GFOD1: variants seen among roughly 807,000 people sequenced by gnomAD.
GFOD1 encodes the protein glucose-fructose oxidoreductase domain-containing protein 1.
Under a neutral mutation model 25.4 loss-of-function variants are expected in GFOD1, and 9 were observed. The observed-to-expected ratio is 0.35, with a 90% CI of 0.21 to 0.62. The LOEUF is 0.62. Among genes scored for constraint, GFOD1 ranks in the 20% least tolerant of loss-of-function variants. The pLI is 0.72. For missense variants in GFOD1, 403 were observed against 556.9 expected (o/e 0.72, Z 2.78); for synonymous variants, 253 against 245.6 (o/e 1.03, Z -0.28).
rs957249751 is a variant in GFOD1, at chr6:13,430,567, C to G, written c.253+56071G>C. Among the ~76,000 whole-genome samples the G allele has an allele frequency of 4.6e-5, 7 of 152,284 alleles. No homozygotes were observed. The East Asian group carries it at 1.3e-3, about 29-fold the overall frequency. On this transcript the variant is annotated intron_variant, in intron 1 of 1. Coordinates refer to ENST00000379287, the MANE Select transcript of GFOD1 (RefSeq NM_018988.4). This position sits in a 1 kb window ranked among gnomAD's most constrained non-coding sequence, Gnocchi z 4.1. Reference sequence around the variant, plus strand: ...GTGCAGGGATTGGCCACAGTGTTATCCATATTCTCAACACTCCTATTATGG... The same window carrying G: ...GTGCAGGGATTGGCCACAGTGTTATGCATATTCTCAACACTCCTATTATGG...
At chr6:13,434,215 C>T (rs1401879632) in intron 1 of GFOD1, among the ~76,000 whole-genome samples, 1 of 128,654 alleles carries the variant, frequency 7.8e-6, no homozygotes, top group African/African-American at 2.6e-5. Flanking sequence ...TATGAGAACA[C>T]AAATCAAGTG....
At chr6:13,396,558 G>A (rs576330450) in intron 1 of GFOD1, among the ~76,000 whole-genome samples, 14 of 152,292 alleles carry the variant, frequency 9.2e-5, no homozygotes, top group Admixed American at 2.0e-4. Context: ...CTTATAGAAT[G>A]GCAAAAGAGA....
chr6:13,435,724 A>G (rs758288687), intron 1 of GFOD1, among the ~76,000 whole-genome samples: 3 of 152,196 alleles, frequency 2.0e-5, no homozygotes, highest in African/African-American at 4.8e-5. Flanking sequence ...CCTGTGCACA[A>G]AGTGTGGGCC....
At chr6:13,407,262 T>A (rs1785963816) in intron 1 of GFOD1, among the ~76,000 whole-genome samples, 1 of 152,214 alleles carries the variant, frequency 6.6e-6, no homozygotes, top group Non-Finnish European at 1.5e-5. Flanking sequence ...GCTGAAATTG[T>A]ATGCTTGGGA....
intron 1 of GFOD1, among the ~76,000 whole-genome samples, chr6:13,416,259 T>C (rs1786160859): frequency 6.6e-6 from 1 of 152,226 alleles, no homozygotes; most frequent in Admixed American, 6.5e-5. Context: ...AAATGGACTC[T>C]TTCCTTTATA....
At chr6:13,421,400 T>G (rs1300625202) in intron 1 of GFOD1, among the ~76,000 whole-genome samples, 3 of 152,076 alleles carry the variant, frequency 2.0e-5, no homozygotes, top group Non-Finnish European at 2.9e-5. Context: ...AGGCTGAGGT[T>G]GGAAGACCAC....
intron 1 of GFOD1, among the ~76,000 whole-genome samples, chr6:13,373,365 T>C (rs1785187342): frequency 6.6e-6 from 1 of 152,196 alleles, no homozygotes; most frequent in Non-Finnish European, 1.5e-5. Context: ...AAAATAAGAT[T>C]AATGGTGTTT....
chr6:13,428,072 C>G (rs1282032701), intron 1 of GFOD1, among the ~76,000 whole-genome samples: 5 of 152,218 alleles, frequency 3.3e-5, no homozygotes, highest in Non-Finnish European at 7.3e-5. Context: ...AAGCTGGGTT[C>G]AAAGACTCAC....
rs997228142 is a variant in GFOD1, at chr6:13,486,373, A to T, written c.253+265T>A. 4 of 567,630 alleles carry T rather than the reference A, an allele frequency of 7.0e-6. No homozygotes were observed. In the African/African-American group the frequency reaches 7.5e-5, roughly 11 times the overall value. 35.2% of individuals were successfully genotyped at this position (567,630 alleles called of 1,614,324 possible). On this transcript the variant is annotated intron_variant, in intron 1 of 1. Transcript: ENST00000379287. ...TCTTCCTAGTTCGGATCCCCGGAACACACGCCTTCTCCAGCCTGCAATCTA... is the reference window on the plus strand; with the variant it reads ...TCTTCCTAGTTCGGATCCCCGGAACTCACGCCTTCTCCAGCCTGCAATCTA...
At chr6:13,454,493 C>A (rs1206305688) in intron 1 of GFOD1, among the ~76,000 whole-genome samples, 2 of 152,198 alleles carry the variant, frequency 1.3e-5, no homozygotes. Context: ...CGGCTTCCAA[C>A]TCACTGGCAT....
chr6:13,450,924 C>T (rs981631805), intron 1 of GFOD1, among the ~76,000 whole-genome samples: 4 of 152,196 alleles, frequency 2.6e-5, no homozygotes, highest in African/African-American at 4.8e-5. Context: ...AGGGCCTGCA[C>T]GATGAATAAA....
At chr6:13,406,259 C>T (rs2127564661) in intron 1 of GFOD1, among the ~76,000 whole-genome samples, 1 of 152,302 alleles carries the variant, frequency 6.6e-6, no homozygotes, top group East Asian at 1.9e-4. Context: ...ACGTCTGCTC[C>T]CATTTCTAGT....
At position 13,365,215 on chromosome 6, in the gene GFOD1, G is replaced by A. The variant is rs776888360; in HGVS notation, c.701C>T (p.Thr234Ile). Residue 234 changes from threonine to isoleucine, a missense_variant, in exon 2 of 2, where the codon ACC (threonine) becomes ATC (isoleucine). Physicochemically the swap from Thr to Ile is moderately conservative, Grantham distance 89. Transcript: ENST00000379287. The surrounding 1 kb of genome is among the most constrained non-coding windows in gnomAD (Gnocchi z 9.2). ...GGGCACGTTGAAGTTGAGGGTGACG[G>A]TGCAGCACACCCCGCCCTCCAGCAC... ...QMVLEGGVCC[T>I]VTLNFNVPGE... 9 of 1,614,076 alleles carry A rather than the reference G, an allele frequency of 5.6e-6. No individual in the cohort carries two copies. Among genetic ancestry groups the A allele is most frequent in the South Asian group, 3.3e-5 (3 of 91,086 alleles).
At chr6:13,442,166 A>T (rs891188869) in intron 1 of GFOD1, among the ~76,000 whole-genome samples, 5 of 152,248 alleles carry the variant, frequency 3.3e-5, no homozygotes, top group Admixed American at 3.3e-4. Flanking sequence ...TAATGAAAGG[A>T]TGCTGAACAT....
chr6:13,423,829 C>T (rs1786303615), intron 1 of GFOD1, among the ~76,000 whole-genome samples: 1 of 152,180 alleles, frequency 6.6e-6, no homozygotes, highest in African/African-American at 2.4e-5. Flanking sequence ...GCATCCTCAG[C>T]AGATGGTCAT....
intron 1 of GFOD1, among the ~76,000 whole-genome samples, chr6:13,477,216 G>GTGTGTGT (rs869069113): frequency 0.068 from 9,603 of 140,770 alleles, 471 homozygotes; most frequent in South Asian, 0.13. Flanking sequence ...ACCAATAGGG[G>GTGTGTGT]GTGTGTGTGT....
At chr6:13,405,634 T>G (rs1785930478) in intron 1 of GFOD1, among the ~76,000 whole-genome samples, 1 of 152,046 alleles carries the variant, frequency 6.6e-6, no homozygotes, top group Non-Finnish European at 1.5e-5. Context: ...CATTAGAAAA[T>G]ATGTAAGTGG....
chr6:13,419,907 C>A (rs1265960731), intron 1 of GFOD1, among the ~76,000 whole-genome samples: 1 of 152,222 alleles, frequency 6.6e-6, no homozygotes, highest in African/African-American at 2.4e-5. Context: ...ACTTTGCTCA[C>A]CCCTCGCCCC....
At chr6:13,415,410 C>T (rs1393595836) in intron 1 of GFOD1, among the ~76,000 whole-genome samples, 1 of 152,136 alleles carries the variant, frequency 6.6e-6, no homozygotes, top group Non-Finnish European at 1.5e-5. Context: ...AAGAAGGGGT[C>T]GTTGAGTCAC....
Sources: gnomAD v4.1 joint callset for allele counts (sites outside exome capture counted in the v4.1 genomes callset) on GRCh38, gnomAD v4.1.1 for gene constraint, Gnocchi (gnomAD v3.1) non-coding constraint, MANE v1.5 for transcripts, NCBI Gene and HGNC (gene_info 2026-07-23, HGNC 2026-07-21) for gene names.